CTBP2: variants seen among roughly 807,000 people sequenced by gnomAD.
The protein encoded by CTBP2 is C-terminal binding protein 2.
Under a neutral mutation model 80.3 loss-of-function variants are expected in CTBP2, and 30 were observed. The ratio of observed to expected loss-of-function variants is 0.37; its 90% CI spans 0.28 to 0.51. The LOEUF is 0.51. Ranked by LOEUF, CTBP2 falls within the 20% of genes least tolerant of loss-of-function variation. CTBP2 has a pLI of 0.93. For missense variants in CTBP2, 1,212 were observed against 1,375.3 expected (o/e 0.88, Z 1.88); for synonymous variants, 594 against 587.4 (o/e 1.01, Z -0.16).
chr10:125,057,986 T>C, intron 2 of CTBP2, among the ~76,000 whole-genome samples: 1 of 152,122 alleles, frequency 6.6e-6, no homozygotes. Context: ...GGCCTGGTGC[T>C]TTCATGCCAT....
chr10:125,135,814 G>A (rs1856889579), intron 1 of CTBP2, among the ~76,000 whole-genome samples: 1 of 152,192 alleles, frequency 6.6e-6, no homozygotes, highest in Admixed American at 6.5e-5. Flanking sequence ...CTCCTGCCTG[G>A]CCCCACAGCA....
intron 1 of CTBP2, among the ~76,000 whole-genome samples, chr10:125,154,640 G>A (rs553937851): frequency 5.5e-5 from 5 of 90,858 alleles, no homozygotes; most frequent in East Asian, 4.2e-4. Context: ...GGTTCTCACC[G>A]AGTGTCGTTG....
intron 2 of CTBP2, among the ~76,000 whole-genome samples, chr10:125,077,945 G>T (rs1350800419): frequency 2.0e-5 from 3 of 152,178 alleles, no homozygotes; most frequent in Non-Finnish European, 4.4e-5. Flanking sequence ...CTGATGGGGG[G>T]AGGTGGGGGC....
chr10:125,148,648 G>A (rs1210545238), intron 1 of CTBP2, among the ~76,000 whole-genome samples: 1 of 152,174 alleles, frequency 6.6e-6, no homozygotes, highest in African/African-American at 2.4e-5. Context: ...CTACGGACAT[G>A]AGAGCCTCAA....
intron 1 of CTBP2, chr10:125,005,651 C>G: frequency 6.2e-7 from 1 of 1,612,906 alleles, no homozygotes; most frequent in Non-Finnish European, 8.5e-7. Context: ...TGACGAGGAA[C>G]CCGACACACA....
chr10:125,010,139 G>A (rs1955705035), intron 1 of CTBP2, among the ~76,000 whole-genome samples: 1 of 150,436 alleles, frequency 6.6e-6, no homozygotes, highest in Non-Finnish European at 1.5e-5. Context: ...GGGTGCTGAT[G>A]AGCGGGTGGC....
At chr10:125,115,746 A>G (rs1180488341) in intron 1 of CTBP2, among the ~76,000 whole-genome samples, 1 of 152,170 alleles carries the variant, frequency 6.6e-6, no homozygotes, top group Non-Finnish European at 1.5e-5. Context: ...CAGGTCATTG[A>G]TGGTTAATGG....
At chr10:125,113,542 C>T (rs1484437958) in intron 1 of CTBP2, among the ~76,000 whole-genome samples, 5 of 152,124 alleles carry the variant, frequency 3.3e-5, no homozygotes, top group African/African-American at 1.2e-4. Flanking sequence ...CAATGGTTTA[C>T]ACAGAATTTC....
At chr10:125,081,499 G>A (rs368435156) in intron 2 of CTBP2, among the ~76,000 whole-genome samples, 1 of 152,134 alleles carries the variant, frequency 6.6e-6, no homozygotes, top group African/African-American at 2.4e-5. Context: ...ATATCTCAGA[G>A]GGATCTGAAG....
intron 2 of CTBP2, among the ~76,000 whole-genome samples, chr10:125,044,750 A>G (rs4962724): frequency 0.25 from 37,251 of 152,042 alleles, 4,719 homozygotes; most frequent in East Asian, 0.3. Flanking sequence ...TGGGCCACCC[A>G]GTGAGAGCCT....
At position 125,066,111 on chromosome 10, in the gene CTBP2, C is replaced by A. The variant is rs940602975; in HGVS notation, c.-101-26956G>T. Among the ~76,000 whole-genome samples, 7 of 151,672 alleles carry A rather than the reference C, an allele frequency of 4.6e-5. No homozygotes were observed. In the East Asian group the frequency reaches 1.4e-3, roughly 29 times the overall value. On this transcript the variant is annotated intron_variant, in intron 2 of 10. Coordinates refer to the CTBP2 transcript ENST00000337195. The surrounding 1 kb of genome is among the most constrained non-coding windows in gnomAD (Gnocchi z 4.1). ...GCCGTCATCTTCTTGATGGTGAACT[C>A]CCTCTAATGCTCAGGCTGATGTCCT...
chr10:125,077,176 C>T (rs188520748), intron 2 of CTBP2, among the ~76,000 whole-genome samples: 249 of 152,308 alleles, frequency 1.6e-3, no homozygotes, highest in African/African-American at 5.5e-3. Context: ...GTGTCAGGCA[C>T]CGCTACCACC....
intron 3 of CTBP2, chr10:125,000,608 G>C (rs972515995): frequency 1.3e-5 from 2 of 152,294 alleles, no homozygotes; most frequent in African/African-American, 4.8e-5. Flanking sequence ...GCTTCCTCAA[G>C]CCTTGCCCTG....
chr10:125,063,977 C>T (rs1272776468), intron 2 of CTBP2, among the ~76,000 whole-genome samples: 1 of 152,134 alleles, frequency 6.6e-6, no homozygotes, highest in Admixed American at 6.5e-5. Context: ...CAACCCCCCG[C>T]ACCCCAACTT....
intron 1 of CTBP2, among the ~76,000 whole-genome samples, chr10:125,005,140 T>C (rs938265696): frequency 6.6e-6 from 1 of 152,242 alleles, no homozygotes; most frequent in Non-Finnish European, 1.5e-5. Context: ...CCAGAGCACC[T>C]GCACCAGCCC....
intron 1 of CTBP2, among the ~76,000 whole-genome samples, chr10:125,144,491 A>G (rs2133310930): frequency 6.6e-6 from 1 of 152,382 alleles, no homozygotes; most frequent in South Asian, 2.1e-4. Context: ...CTAGGTTACC[A>G]GCCTCGCTGA....
intron 2 of CTBP2, among the ~76,000 whole-genome samples, chr10:125,047,729 T>C (rs1961624026): frequency 1.3e-5 from 2 of 152,256 alleles, no homozygotes; most frequent in South Asian, 4.1e-4. Context: ...TATCATATAG[T>C]ATATAATAAA....
At chr10:125,134,806 T>C (rs74163349) in intron 1 of CTBP2, among the ~76,000 whole-genome samples, 11 of 35,142 alleles carry the variant, frequency 3.1e-4, no homozygotes, top group Admixed American at 2.3e-3. Flanking sequence ...CCCCAGCCTT[T>C]CCCTCCCAGC....
At chr10:125,154,044 C>T (rs1226105399) in intron 1 of CTBP2, among the ~76,000 whole-genome samples, 1 of 152,232 alleles carries the variant, frequency 6.6e-6, no homozygotes, top group Non-Finnish European at 1.5e-5. Context: ...AATATTGCCA[C>T]TATTTCCAGA....
Sources: allele counts gnomAD v4.1 joint callset (sites outside exome capture counted in the v4.1 genomes callset), GRCh38; gene constraint gnomAD v4.1.1; non-coding constraint Gnocchi (gnomAD v3.1); transcripts MANE v1.5; gene names NCBI Gene and HGNC (gene_info 2026-07-23, HGNC 2026-07-21).